S100A8: variants seen among roughly 807,000 people sequenced by gnomAD.
S100A8 encodes the protein protein S100-A8.
S100A8 carries 1 observed loss-of-function variant against 4.2 expected under a neutral mutation model. The ratio of observed to expected loss-of-function variants is 0.24; its 90% confidence interval spans 0.08 to 1.12. The LOEUF (loss-of-function observed/expected upper bound fraction) is 1.12, where lower values mean the gene tolerates loss of function less well. Among genes scored for constraint, S100A8 ranks in the 50% most tolerant of loss-of-function variants. The pLI, the probability that S100A8 is intolerant of heterozygous loss-of-function variation, is 0.53. For synonymous variants in S100A8, 41 were observed against 44.7 expected (o/e 0.92, Z 0.33); for missense variants, 96 against 111.8 (o/e 0.86, Z 0.64).
chr1:153,405,655 G>A, the S100A8 span, among the ~76,000 whole-genome samples: 2 of 152,248 alleles, frequency 1.3e-5, no homozygotes, highest in Admixed American at 6.5e-5. Flanking sequence ...CCCCCACCTA[G>A]ACCTATAAAT....
chr1:153,401,513 T>C, the S100A8 span, among the ~76,000 whole-genome samples: 2 of 152,210 alleles, frequency 1.3e-5, no homozygotes, highest in African/African-American at 4.8e-5. Context: ...TGGCCAGGAC[T>C]AAGATTGTGA....
the S100A8 span, among the ~76,000 whole-genome samples, chr1:153,416,322 T>C: frequency 6.6e-6 from 1 of 152,174 alleles, no homozygotes; most frequent in African/African-American, 2.4e-5. Flanking sequence ...AGGCCCCAGG[T>C]GAGGTCTCTG....
the S100A8 span, among the ~76,000 whole-genome samples, chr1:153,413,728 C>T: frequency 3.9e-5 from 6 of 152,048 alleles, no homozygotes; most frequent in African/African-American, 1.4e-4. Context: ...TGATGAAACC[C>T]CATTTCTATT....
chr1:153,419,049 G>C, the S100A8 span: 7 of 1,325,790 alleles, frequency 5.3e-6, no homozygotes, highest in Admixed American at 1.8e-5. Flanking sequence ...TGCAGATCTA[G>C]GTACTTGTCT....
chr1:153,394,983 C>A (rs1662182277), upstream of S100A8, among the ~76,000 whole-genome samples: 1 of 152,174 alleles, frequency 6.6e-6, no homozygotes, highest in African/African-American at 2.4e-5. Context: ...TGGGCTCTGG[C>A]ATTTCCTGAA....
chr1:153,408,638 T>C, the S100A8 span, among the ~76,000 whole-genome samples: 1 of 152,112 alleles, frequency 6.6e-6, no homozygotes, highest in South Asian at 2.1e-4. Context: ...GCCACAAAGA[T>C]ACTCCTCGAA....
chr1:153,405,037 A>C, the S100A8 span, among the ~76,000 whole-genome samples: 1 of 151,886 alleles, frequency 6.6e-6, no homozygotes, highest in East Asian at 1.9e-4. Context: ...CTTACAGTGT[A>C]AGTCAGAATC....
Sources: allele counts gnomAD v4.1 joint callset (sites outside exome capture counted in the v4.1 genomes callset), GRCh38; gene constraint gnomAD v4.1.1; transcripts MANE v1.5; gene names NCBI Gene and HGNC (gene_info 2026-07-23, HGNC 2026-07-21).